The following ZC4H2 variants were observed in gnomAD, a reference collection of about 807,000 sequenced individuals.
The protein encoded by ZC4H2 is zinc finger C4H2-type containing.
For missense variants in ZC4H2, 137 were observed against 173.9 expected (o/e 0.79, Z 1.19); for synonymous variants, 84 against 66.3 (o/e 1.27, Z -1.30).
At chrX:64,927,290 C>T (rs1171331289) in intron 1 of ZC4H2, among the ~76,000 whole-genome samples, 6 of 110,350 alleles carry the variant, frequency 5.4e-5, no homozygotes, top group Admixed American at 2.9e-4. Context: ...CCTAGCCCCC[C>T]ACCCCGACAG....
intron 1 of ZC4H2, among the ~76,000 whole-genome samples, chrX:65,015,595 G>T (rs904680494): frequency 9.0e-6 from 1 of 111,696 alleles, no homozygotes; most frequent in Non-Finnish European, 1.9e-5. Context: ...GTGAACTCCT[G>T]ACTTTCCTCA....
At chrX:65,002,398 G>C (rs868754877) in intron 1 of ZC4H2, among the ~76,000 whole-genome samples, 1 of 105,671 alleles carries the variant, frequency 9.5e-6, no homozygotes, top group Non-Finnish European at 2.0e-5. Context: ...GGAGGGAGGC[G>C]GGGGGTCAGC....
At chrX:65,030,966 A>G (rs1457191659) in intron 1 of ZC4H2, among the ~76,000 whole-genome samples, 1 of 110,988 alleles carries the variant, frequency 9.0e-6, no homozygotes, top group Non-Finnish European at 1.9e-5. Flanking sequence ...CTTGTTTATA[A>G]ATTCCCACTT....
intron 1 of ZC4H2, among the ~76,000 whole-genome samples, chrX:65,033,306 C>T (rs1026096864): frequency 8.9e-6 from 1 of 112,090 alleles, no homozygotes; most frequent in African/African-American, 3.2e-5. Context: ...CAAGTTTGTA[C>T]GTAGCCATTG....
chrX:64,976,617 C>A, upstream of ZC4H2: 1 of 413,295 alleles, frequency 2.4e-6, no homozygotes. Context: ...CCTGCAGCCG[C>A]ACTTTAAATC....
rs753426558 is a variant in ZC4H2, at chrX:64,928,632, CCTTCTTCTTCTT to C, written c.54-6656_54-6645del. Among the ~76,000 whole-genome samples, 625 of 83,326 alleles carry C rather than the reference CCTTCTTCTTCTT, an allele frequency of 7.5e-3. 6 individuals carry two copies. In the Middle Eastern group the frequency reaches 0.085, roughly 11 times the overall value. The allele number at this position is 83,326 out of a possible 115,157, so 72.4% of individuals were successfully genotyped here. A position where few individuals can be genotyped will look rare whatever the true frequency, so the allele number is the denominator to read the frequency against. On this transcript the variant is annotated intron_variant, in intron 1 of 4. Transcript: ENST00000374839. ...TATTCATGTCCTTTGCCTGCTTTCT[CCTTCTTCTTCTT>C]CTTCTTCTTCTTCTTCTTCTTCTTC...
intron 1 of ZC4H2, among the ~76,000 whole-genome samples, chrX:64,966,048 G>A (rs755295404): frequency 1.9e-5 from 2 of 108,089 alleles, no homozygotes; most frequent in South Asian, 8.3e-4. Flanking sequence ...TGCAAATCAA[G>A]TGTCTGGTAA....
At chrX:64,996,343 T>TA (rs1316535983) in intron 1 of ZC4H2, among the ~76,000 whole-genome samples, 48 of 105,149 alleles carry the variant, frequency 4.6e-4, no homozygotes, top group South Asian at 1.2e-3. Flanking sequence ...ATTACAGTGT[T>TA]AAAAAAAAAA....
intron 1 of ZC4H2, among the ~76,000 whole-genome samples, chrX:64,958,318 C>A (rs183922760): frequency 9.0e-6 from 1 of 111,642 alleles, no homozygotes; most frequent in Admixed American, 9.5e-5. Context: ...TCTTCAGGGA[C>A]CACACTATGG....
chrX:64,953,051 G>A (rs1930943202), intron 1 of ZC4H2, among the ~76,000 whole-genome samples: 1 of 111,919 alleles, frequency 8.9e-6, no homozygotes, highest in African/African-American at 3.3e-5. Context: ...TGAGAAACCT[G>A]ACAAAAACAA....
Position 65,020,502 on chromosome X carries a change from C to T in ZC4H2, c.-272+14127G>A, listed in dbSNP as rs541600684. 3.2e-4 allele frequency among the ~76,000 whole-genome samples: 36 copies of T among 111,849 alleles called. No homozygotes were observed. The South Asian group carries it at 0.013, about 40-fold the overall frequency. ...AGCAAATGCTAAGACACTTTGTCAC[C>T]ACTAGGCCTGCCTAACAAGGGCTCC... On this transcript the variant is annotated intron_variant, in intron 1 of 4. Coordinates refer to the ZC4H2 transcript ENST00000337990.
At chrX:64,939,886 T>C (rs1190934237) in intron 1 of ZC4H2, among the ~76,000 whole-genome samples, 1 of 111,612 alleles carries the variant, frequency 9.0e-6, no homozygotes, top group Non-Finnish European at 1.9e-5. Flanking sequence ...AGACTTCATG[T>C]CCAAAACACC....
intron 1 of ZC4H2, among the ~76,000 whole-genome samples, chrX:65,020,833 G>A (rs1274004038): frequency 2.7e-5 from 3 of 111,645 alleles, no homozygotes; most frequent in Non-Finnish European, 3.8e-5. Flanking sequence ...AAGGAATGGA[G>A]GAATATTTAC....
intron 1 of ZC4H2, among the ~76,000 whole-genome samples, chrX:64,937,486 T>G (rs1930068510): frequency 8.9e-6 from 1 of 111,825 alleles, no homozygotes; most frequent in Admixed American, 9.5e-5. Context: ...GAATATATAT[T>G]CTTCTCAGCA....
intron 1 of ZC4H2, among the ~76,000 whole-genome samples, chrX:65,012,008 T>A (rs1310371586): frequency 9.2e-6 from 1 of 108,907 alleles, no homozygotes; most frequent in Non-Finnish European, 1.9e-5. Flanking sequence ...AGGCATGCCA[T>A]CTTTGAGTGG....
At chrX:64,924,819 G>A (rs1272997426) in intron 1 of ZC4H2, among the ~76,000 whole-genome samples, 1 of 110,726 alleles carries the variant, frequency 9.0e-6, no homozygotes, top group African/African-American at 3.3e-5. Context: ...GAGGGAGAGG[G>A]GCCTAGATAA....
Position 64,932,097 on chromosome X carries a change from T to G in ZC4H2, c.54-10109A>C, listed in dbSNP as rs149844741. ...CCTGTTGGACTAATCCTTTTATCAT[T>G]ATACAATGTCCTTGCTTGTCTTTTT... is the stretch of plus-strand genomic sequence containing the variant. On this transcript the variant is annotated intron_variant, in intron 1 of 4. Coordinates refer to ENST00000374839, the MANE Select transcript of ZC4H2 (RefSeq NM_018684.4). Among the ~76,000 whole-genome samples the G allele has an allele frequency of 2.3e-3, 254 of 111,816 alleles. 2 individuals carry two copies. The highest frequency in any genetic ancestry group is 7.7e-3 in the African/African-American group (236 of 30,849).
chrX:65,011,488 G>T (rs1473741802), intron 1 of ZC4H2, among the ~76,000 whole-genome samples: 1 of 111,324 alleles, frequency 9.0e-6, no homozygotes, highest in African/African-American at 3.3e-5. Context: ...ACGTATGGTG[G>T]CAGTGAAGTT....
intron 1 of ZC4H2, 61 bp from the exon 2 acceptor site, chrX:64,922,049 C>T: frequency 8.5e-7 from 1 of 1,175,613 alleles, no homozygotes; most frequent in Non-Finnish European, 1.1e-6. Context: ...AGAAATGGAG[C>T]CAGGACTTTT....
Sources: allele counts gnomAD v4.1 joint callset (sites outside exome capture counted in the v4.1 genomes callset), GRCh38; gene constraint gnomAD v4.1.1; transcripts MANE v1.5; gene names NCBI Gene and HGNC (gene_info 2026-07-23, HGNC 2026-07-21).